The following NRG3 variants were observed in gnomAD, a reference collection of about 807,000 sequenced individuals.
NRG3 encodes neuregulin 3.
Under a neutral mutation model 66.9 loss-of-function variants are expected in NRG3, and 31 were observed. The observed-to-expected ratio is 0.46, with a 90% CI of 0.35 to 0.63. NRG3 has a LOEUF of 0.63. NRG3 is among the 20% of genes least tolerant of loss of function. The pLI is 0.00. For missense variants in NRG3, 910 were observed against 878.9 expected (o/e 1.04, Z -0.45); for synonymous variants, 393 against 359.4 (o/e 1.09, Z -1.06).
chr10:82,052,873 C>G (rs2063665963), intron 1 of NRG3, among the ~76,000 whole-genome samples: 1 of 151,802 alleles, frequency 6.6e-6, no homozygotes, highest in Non-Finnish European at 1.5e-5. Context: ...GTCTTGTTTC[C>G]TAAAAGAAAA....
At chr10:82,898,885 G>T (rs917723368) in intron 4 of NRG3, among the ~76,000 whole-genome samples, 19 of 151,628 alleles carry the variant, frequency 1.3e-4, no homozygotes, top group Non-Finnish European at 2.8e-4. Flanking sequence ...TAATTTTTTT[G>T]TATTTTTAGT....
At chr10:82,462,162 T>A (rs1437859151) in intron 2 of NRG3, among the ~76,000 whole-genome samples, 6 of 151,958 alleles carry the variant, frequency 3.9e-5, no homozygotes, top group African/African-American at 1.5e-4. Context: ...TAAATCTATC[T>A]ATCTATCTAT....
chr10:82,352,019 C>G (rs2083464935), intron 1 of NRG3, among the ~76,000 whole-genome samples: 1 of 152,182 alleles, frequency 6.6e-6, no homozygotes, highest in Non-Finnish European at 1.5e-5. Context: ...CCCAGGGAGG[C>G]TGTTTTGTTA....
chr10:82,596,855 A>G (rs2047312249), intron 2 of NRG3, among the ~76,000 whole-genome samples: 1 of 152,170 alleles, frequency 6.6e-6, no homozygotes, highest in Admixed American at 6.5e-5. Flanking sequence ...AAATATATTC[A>G]GTGACTTCAG....
chr10:82,626,224 T>G (rs113945273), intron 2 of NRG3, among the ~76,000 whole-genome samples: 1 of 152,180 alleles, frequency 6.6e-6, no homozygotes, highest in Non-Finnish European at 1.5e-5. Flanking sequence ...AATTAATACT[T>G]GTCAATTTAT....
chr10:82,392,597 C>T (rs572245516), intron 2 of NRG3, among the ~76,000 whole-genome samples: 1 of 152,114 alleles, frequency 6.6e-6, no homozygotes, highest in East Asian at 1.9e-4. Flanking sequence ...CTCTTATTTC[C>T]TCAGGTCTAT....
At chr10:82,086,097 G>A (rs547112709) in intron 1 of NRG3, among the ~76,000 whole-genome samples, 103 of 150,158 alleles carry the variant, frequency 6.9e-4, no homozygotes, top group Non-Finnish European at 1.0e-3. Context: ...ATAAGATTTG[G>A]GTAACTGATA....
intron 3 of NRG3, among the ~76,000 whole-genome samples, chr10:82,784,301 A>G (rs1278737774): frequency 6.6e-6 from 1 of 151,428 alleles, no homozygotes; most frequent in East Asian, 1.9e-4. Flanking sequence ...GGCATGGGCA[A>G]GGACTTCATG....
chr10:82,763,973 C>A (rs2059420242), intron 3 of NRG3, among the ~76,000 whole-genome samples: 1 of 152,106 alleles, frequency 6.6e-6, no homozygotes, highest in Non-Finnish European at 1.5e-5. Context: ...TCTTTTTACT[C>A]TTTTAATGTG....
chr10:82,627,308 C>G (rs2049499511), intron 2 of NRG3, among the ~76,000 whole-genome samples: 1 of 151,990 alleles, frequency 6.6e-6, no homozygotes, highest in South Asian at 2.1e-4. Context: ...TCTTTTGCAT[C>G]CTCCATGCCC....
At chr10:82,624,756 A>G (rs966559476) in intron 2 of NRG3, among the ~76,000 whole-genome samples, 13 of 148,122 alleles carry the variant, frequency 8.8e-5, no homozygotes, top group South Asian at 2.1e-4. Flanking sequence ...GTTTAATTTT[A>G]CAATGAACCC....
intron 2 of NRG3, among the ~76,000 whole-genome samples, chr10:82,632,103 C>A (rs541441594): frequency 6.6e-6 from 1 of 152,166 alleles, no homozygotes; most frequent in East Asian, 1.9e-4. Flanking sequence ...AACCCTGTCT[C>A]AAAAATTAAA....
intron 6 of NRG3, among the ~76,000 whole-genome samples, chr10:82,960,963 A>C (rs1850581377): frequency 6.6e-6 from 1 of 152,172 alleles, no homozygotes; most frequent in Non-Finnish European, 1.5e-5. Context: ...CTTGTTGCTC[A>C]CACAAAGCCT....
intron 1 of NRG3, among the ~76,000 whole-genome samples, chr10:81,987,786 A>G (rs904372977): frequency 2.6e-5 from 4 of 152,210 alleles, no homozygotes; most frequent in Non-Finnish European, 5.9e-5. Context: ...TTGATATCCA[A>G]AGAAATTTAG....
intron 4 of NRG3, among the ~76,000 whole-genome samples, chr10:82,906,454 C>G (rs1844745711): frequency 6.6e-6 from 1 of 152,072 alleles, no homozygotes; most frequent in Non-Finnish European, 1.5e-5. Context: ...AGATTTGTAA[C>G]CTGGCTTTAC....
At chr10:82,177,238 C>T (rs1017493554) in intron 1 of NRG3, among the ~76,000 whole-genome samples, 1 of 151,940 alleles carries the variant, frequency 6.6e-6, no homozygotes, top group Non-Finnish European at 1.5e-5. Context: ...AACTACCTAT[C>T]TAGGCCTGAT....
intron 2 of NRG3, among the ~76,000 whole-genome samples, chr10:82,647,129 T>C (rs946502206): frequency 8.5e-5 from 13 of 152,092 alleles, no homozygotes; most frequent in Non-Finnish European, 1.9e-4. Context: ...GCATTAGATA[T>C]ATCTCCTAAT....
At chr10:82,024,590 C>T (rs1036749092) in intron 1 of NRG3, among the ~76,000 whole-genome samples, 6 of 151,822 alleles carry the variant, frequency 4.0e-5, no homozygotes, top group African/African-American at 1.2e-4. Flanking sequence ...GTGGGTTAAC[C>T]GAGATAATAA....
intron 3 of NRG3, among the ~76,000 whole-genome samples, 198 bp downstream of exon 3, chr10:82,738,848 C>T (rs898604202): frequency 6.6e-6 from 1 of 152,194 alleles, no homozygotes; most frequent in African/African-American, 2.4e-5. Flanking sequence ...ACGATGAGGC[C>T]TGGCTTCCGG....
Sources: allele counts gnomAD v4.1 joint callset (sites outside exome capture counted in the v4.1 genomes callset), GRCh38; gene constraint gnomAD v4.1.1; transcripts MANE v1.5; gene names NCBI Gene and HGNC (gene_info 2026-07-23, HGNC 2026-07-21).